The following DIP2C variants were observed in gnomAD, a reference collection of about 807,000 sequenced individuals.
DIP2C encodes DIP2 acetate--CoA ligase C (putative).
A neutral mutation model predicts 192.4 loss-of-function variants in DIP2C; 33 were observed. The ratio of observed to expected loss-of-function variants is 0.17; its 90% CI spans 0.13 to 0.23. The LOEUF (loss-of-function observed/expected upper bound fraction) is 0.23. Among genes scored for constraint, DIP2C ranks in the 10% least tolerant of loss-of-function variants. The pLI is 1.00. For synonymous variants in DIP2C, 979 were observed against 864.1 expected, an observed-to-expected ratio of 1.13 and a Z score of -2.33; for missense variants, 1,537 against 2,110.1, an observed-to-expected ratio of 0.73 and a Z score of 5.32.
At chr10:282,559 G>A (rs1954886174) in intron 35 of DIP2C, among the ~76,000 whole-genome samples, 1 of 152,220 alleles carries the variant, frequency 6.6e-6, no homozygotes, top group African/African-American at 2.4e-5. Flanking sequence ...AAACAGCCAA[G>A]TCCTGCCTCT....
rs1954561130 is a variant in DIP2C, at chr10:277,167, G to A, written c.*158C>T. 1.8e-6 allele frequency: 2 copies of A among 1,086,438 alleles called. No individual in the cohort carries two copies. The highest frequency in any genetic ancestry group is 2.6e-6 in the Non-Finnish European group (2 of 774,344). The allele number at this position is 1,086,438 out of a possible 1,614,324, so 67.3% of individuals were successfully genotyped here. On this transcript the variant is annotated 3_prime_UTR_variant, in exon 37 of 37. Coordinates refer to ENST00000280886, the MANE Select transcript of DIP2C (RefSeq NM_014974.3). Reference sequence around the variant, plus strand: ...ACATTTCACCCCCATGCCAATCGTGGCTGCTGTGAGAAGTCCTCTTCCTCC... The same window carrying A: ...ACATTTCACCCCCATGCCAATCGTGACTGCTGTGAGAAGTCCTCTTCCTCC...
intron 3 of DIP2C, among the ~76,000 whole-genome samples, chr10:448,078 C>A (rs1407265832): frequency 4.0e-5 from 5 of 123,834 alleles, no homozygotes; most frequent in East Asian, 2.4e-4. Context: ...CCCGTCTATA[C>A]TCAGGATCAC....
At chr10:345,223 G>A (rs184435057) in intron 26 of DIP2C, 113 bp from the exon 27 acceptor site, 3 of 1,066,506 alleles carry the variant, frequency 2.8e-6, no homozygotes, top group African/African-American at 1.6e-5. Context: ...GCTTTAACGG[G>A]CAGATGAGGT....
At chr10:603,618 CGTTT>C (rs954263070) in intron 1 of DIP2C, among the ~76,000 whole-genome samples, 33 of 152,180 alleles carry the variant, frequency 2.2e-4, no homozygotes, top group African/African-American at 8.0e-4. Context: ...GTTCTGCCAT[CGTTT>C]GTGTCTATTT....
intron 1 of DIP2C, among the ~76,000 whole-genome samples, chr10:595,269 C>G (rs1352293795): frequency 6.6e-6 from 1 of 152,206 alleles, no homozygotes; most frequent in African/African-American, 2.4e-5. Context: ...TGACAGAAAA[C>G]TTCAGGTTCT....
intron 1 of DIP2C, among the ~76,000 whole-genome samples, chr10:579,894 GCACA>G (rs60725044): frequency 0.035 from 5,324 of 151,996 alleles, 176 homozygotes; most frequent in African/African-American, 0.086. Context: ...CATGCATCTA[GCACA>G]CAATCTATAT....
rs140938694 is a variant in DIP2C, at chr10:313,706, T to C, written c.3925-3614A>G. On this transcript the variant is annotated intron_variant, in intron 31 of 36. Transcript: ENST00000280886. The stretch of plus-strand genomic sequence containing the variant: ...AGGGAGTCTGGAAACCTGTCCCCCA[T>C]TGAGGGACAAATGTATATACCAAAA... 7.1e-3 allele frequency among the ~76,000 whole-genome samples: 1,076 copies of C among 152,298 alleles called. 10 individuals carry two copies. Among genetic ancestry groups the C allele is most frequent in the African/African-American group, 0.025 (1,024 of 41,568 alleles).
chr10:588,901 G>C (rs193076859), intron 1 of DIP2C, among the ~76,000 whole-genome samples: 116 of 152,338 alleles, frequency 7.6e-4, no homozygotes, highest in Non-Finnish European at 1.3e-3. Flanking sequence ...CCACGTTTGT[G>C]TGAGTTCAGT....
At chr10:480,687 G>A (rs1418155363) in intron 2 of DIP2C, among the ~76,000 whole-genome samples, 2 of 152,220 alleles carry the variant, frequency 1.3e-5, no homozygotes, top group East Asian at 1.9e-4. Flanking sequence ...AGCGGCTGGC[G>A]CCTAAGACGA....
chr10:366,505 G>A (rs1564620926), intron 18 of DIP2C, 94 bp from the exon 19 acceptor site: 3 of 1,560,504 alleles, frequency 1.9e-6, no homozygotes, highest in South Asian at 2.3e-5. Flanking sequence ...CGACACCAGT[G>A]AACAGGAATG....
intron 1 of DIP2C, among the ~76,000 whole-genome samples, chr10:674,789 T>TATATATATATATATATATATAGAGAGAG: frequency 8.0e-5 from 5 of 62,482 alleles, no homozygotes; most frequent in East Asian, 5.5e-4. Flanking sequence ...TATATATATA[T>TATATATATATATATATATATAGAGAGAG]AGAGAGAGAG....
chr10:651,192 G>A lies in DIP2C; in HGVS notation c.85+38302C>T, dbSNP rs775219395. ...CAGGTCTGGGACCACCGTCCTCCAC[G>A]CATATCTACAGACCCTGTCCTCACC... On this transcript the variant is annotated intron_variant, in intron 1 of 36. Coordinates refer to ENST00000280886, the MANE Select transcript of DIP2C (RefSeq NM_014974.3). The surrounding 1 kb of genome is among the most constrained non-coding windows in gnomAD (Gnocchi z 4.1). 2.7e-4 allele frequency: 196 copies of A among 717,372 alleles called. 1 individual carries two copies. Among genetic ancestry groups the A allele is most frequent in the African/African-American group, 2.2e-3 (126 of 57,354 alleles). 44.4% of individuals were successfully genotyped at this position (717,372 alleles called of 1,614,324 possible). A position where few individuals can be genotyped will look rare whatever the true frequency, so the allele number is the denominator to read the frequency against.
In DIP2C at chr10:689,585, C is replaced by T. The variant is rs1831471045; in HGVS notation, c.-7G>A. 1 of 1,158,742 alleles carries T rather than the reference C, an allele frequency of 8.6e-7. No individual in the cohort carries two copies. Among genetic ancestry groups the T allele is most frequent in the Admixed American group, 4.5e-5 (1 of 22,358 alleles). The allele number at this position is 1,158,742 out of a possible 1,614,324, so 71.8% of individuals were successfully genotyped here. On this transcript the variant is annotated 5_prime_UTR_variant, in exon 1 of 37. Transcript: ENST00000280886. The surrounding 1 kb of genome is among the most constrained non-coding windows in gnomAD (Gnocchi z 6.1). ...CCAGGCTGCGGTCCGCCATGCTCCG[C>T]GGGCGCCGCGCCCCGCACGGCCTCC... is the stretch of plus-strand genomic sequence containing the variant.
intron 2 of DIP2C, among the ~76,000 whole-genome samples, chr10:475,043 A>G (rs1970951177): frequency 6.6e-6 from 1 of 152,180 alleles, no homozygotes; most frequent in Non-Finnish European, 1.5e-5. Flanking sequence ...GTTTGCCCGA[A>G]GAGCCCTCTC....
At chr10:589,370 A>T (rs1235108007) in intron 1 of DIP2C, among the ~76,000 whole-genome samples, 2 of 152,078 alleles carry the variant, frequency 1.3e-5, no homozygotes, top group African/African-American at 4.8e-5. Flanking sequence ...TTCCCTATGG[A>T]TCATTGGTTA....
chr10:639,916 T>C (rs1329064096), intron 1 of DIP2C, among the ~76,000 whole-genome samples: 2 of 152,074 alleles, frequency 1.3e-5, no homozygotes, highest in Non-Finnish European at 2.9e-5. Flanking sequence ...GCCCGGCCTG[T>C]ATCCAAGGCT....
At chr10:522,121 C>T (rs1014275119) in intron 1 of DIP2C, among the ~76,000 whole-genome samples, 1 of 151,734 alleles carries the variant, frequency 6.6e-6, no homozygotes, top group Non-Finnish European at 1.5e-5. Flanking sequence ...CAGCTGCTGA[C>T]GGTTTTACTG....
chr10:441,529 T>C (rs1967729974), intron 3 of DIP2C, among the ~76,000 whole-genome samples: 1 of 152,300 alleles, frequency 6.6e-6, no homozygotes, highest in Admixed American at 6.5e-5. Context: ...GGTAATTGAA[T>C]CATTGGGGCC....
At chr10:648,489 C>T (rs549787753) in intron 1 of DIP2C, among the ~76,000 whole-genome samples, 1 of 151,318 alleles carries the variant, frequency 6.6e-6, no homozygotes, top group Admixed American at 6.6e-5. Flanking sequence ...TGGGAGAGAA[C>T]AGAGGGAAAC....
Sources: gnomAD v4.1 joint callset for allele counts (sites outside exome capture counted in the v4.1 genomes callset) on GRCh38, gnomAD v4.1.1 for gene constraint, Gnocchi (gnomAD v3.1) non-coding constraint, MANE v1.5 for transcripts, NCBI Gene and HGNC (gene_info 2026-07-23, HGNC 2026-07-21) for gene names.